Variants in TPO observed in about 807,000 individuals in gnomAD.
TPO encodes thyroid peroxidase, also known as thyroid microsomal antigen.
In TPO, 78 loss-of-function variants were observed where a neutral mutation model predicts 96.9. That is an observed-to-expected ratio of 0.81 (90% confidence interval 0.67 to 0.97). The LOEUF is 0.97. TPO is among the 50% of genes least tolerant of loss of function. The pLI is 0.00. For synonymous variants in TPO, 547 were observed against 538.0 expected (o/e 1.02, Z -0.23); for missense variants, 1,252 against 1,274.8 (o/e 0.98, Z 0.27).
intron 5 of TPO, among the ~76,000 whole-genome samples, chr2:1,437,749 C>T (rs548312794): frequency 2.6e-5 from 4 of 152,270 alleles, no homozygotes; most frequent in South Asian, 2.1e-4. Flanking sequence ...TGCGGAGCCC[C>T]GGCTGGAAGA....
chr2:1,443,479 C>A (rs184156167), intron 5 of TPO, among the ~76,000 whole-genome samples: 1 of 138,386 alleles, frequency 7.2e-6, no homozygotes, highest in African/African-American at 2.7e-5. Flanking sequence ...TTGCAGGAGG[C>A]AACATGTTGG....
intron 1 of TPO, among the ~76,000 whole-genome samples, chr2:1,379,388 T>G (rs1234883951): frequency 2.6e-5 from 4 of 152,076 alleles, no homozygotes; most frequent in Non-Finnish European, 5.9e-5. Context: ...TTGCCATATG[T>G]GACATTCAGC....
intron 14 of TPO, among the ~76,000 whole-genome samples, chr2:1,508,666 T>C (rs1025688212): frequency 2.6e-5 from 4 of 152,252 alleles, no homozygotes; most frequent in African/African-American, 9.6e-5. Flanking sequence ...TTCTAGTTTA[T>C]TTGCGTAGAG....
intron 1 of TPO, among the ~76,000 whole-genome samples, chr2:1,392,364 A>G (rs1662014741): frequency 6.6e-6 from 1 of 152,202 alleles, no homozygotes; most frequent in South Asian, 2.1e-4. Context: ...CAACCTAATC[A>G]TGGTGGATAA....
Position 1,493,933 on chromosome 2 carries a change from G to A in TPO, c.1900G>A (p.Val634Ile), listed in dbSNP as rs760753327. Residue 634 changes from valine (V) to isoleucine (I), a missense_variant, in exon 11 of 17, where the codon GTC (valine) becomes ATC (isoleucine). Transcript: ENST00000329066. ...GTACAAGCATCCTGACAACATCGAT[G>A]TCTGGCTGGGAGGCTTAGCTGAAAA... ...DLYKHPDNID[V>I]WLGGLAENFL... 6 of 1,614,230 alleles carry A rather than the reference G, an allele frequency of 3.7e-6. No homozygotes were observed. The Admixed American group carries it at 6.7e-5, about 18-fold the overall frequency.
chr2:1,488,766 G>A (rs1053199414), intron 10 of TPO, among the ~76,000 whole-genome samples: 6 of 152,158 alleles, frequency 3.9e-5, no homozygotes, highest in Admixed American at 2.6e-4. Context: ...GGCAAGTCCT[G>A]CCCTGCCCCG....
intron 15 of TPO, among the ~76,000 whole-genome samples, chr2:1,525,467 A>T (rs111257195): frequency 5.3e-5 from 4 of 75,366 alleles, no homozygotes; most frequent in African/African-American, 2.4e-4. Context: ...AACACCCCCA[A>T]ATTTCCCCCA....
intron 7 of TPO, among the ~76,000 whole-genome samples, chr2:1,472,336 T>C (rs1284517162): frequency 6.6e-6 from 1 of 151,816 alleles, no homozygotes; most frequent in Non-Finnish European, 1.5e-5. Context: ...TGTGTCCTTC[T>C]GATGATCTGA....
At chr2:1,379,177 C>T (rs1043222698) in intron 1 of TPO, among the ~76,000 whole-genome samples, 1 of 151,968 alleles carries the variant, frequency 6.6e-6, no homozygotes, top group Non-Finnish European at 1.5e-5. Context: ...TGGTGGCGCA[C>T]GCATGTAGTC....
intron 2 of TPO, among the ~76,000 whole-genome samples, chr2:1,422,003 C>G (rs1258654106): frequency 6.6e-6 from 1 of 152,228 alleles, no homozygotes; most frequent in Non-Finnish European, 1.5e-5. Flanking sequence ...CCCTCCTGCC[C>G]TTGCCCCAGG....
At position 1,496,599 on chromosome 2, in the gene TPO, C is replaced by G; in HGVS notation, c.2220C>G (p.Asp740Glu). 1 of 1,613,964 alleles carries G rather than the reference C, an allele frequency of 6.2e-7. No homozygotes were observed. ...EAWRETFPQD[D>E]KCGFPESVEN... ...CAACCTGTCCACATTTCATAGACGA[C>G]AAGTGTGGCTTCCCAGAGAGCGTGG... is the stretch of plus-strand genomic sequence containing the variant. Residue 740 changes from aspartate (D) to glutamate (E), a missense_variant, in exon 13 of 17, where the codon GAC becomes GAG. Coordinates refer to ENST00000329066, the MANE Select transcript of TPO (RefSeq NM_001206744.2).
At chr2:1,380,743 C>T (rs532199356) in intron 1 of TPO, among the ~76,000 whole-genome samples, 2 of 152,258 alleles carry the variant, frequency 1.3e-5, no homozygotes, top group African/African-American at 4.8e-5. Context: ...AGAGAGAATG[C>T]ATTAGGCTGT....
In TPO at chr2:1,477,144, C is replaced by T. The variant is rs1670030289; in HGVS notation, c.878C>T (p.Ser293Leu). 9 of 1,609,752 alleles carry T rather than the reference C, an allele frequency of 5.6e-6. No homozygotes were observed. The highest frequency in any genetic ancestry group is 1.1e-5 in the South Asian group (1 of 90,468). ...GTACLPFYRSSAACGTGDQGA... is the reference protein window; with the variant it reads ...GTACLPFYRSLAACGTGDQGA... Reference sequence around the variant, plus strand: ...GCCTGTCTGCCCTTCTACCGCTCTTCGGCCGCCTGCGGCACCGGGGACCAA... The same window carrying T: ...GCCTGTCTGCCCTTCTACCGCTCTTTGGCCGCCTGCGGCACCGGGGACCAA... Residue 293 changes from serine to leucine, a missense_variant, in exon 8 of 17, where the codon TCG becomes TTG. Ser to Leu is a moderately radical substitution (Grantham distance 145, BLOSUM62 -2). Coordinates refer to ENST00000329066, the MANE Select transcript of TPO (RefSeq NM_001206744.2).
chr2:1,480,828 G>GTTTCTC (rs1670555750), intron 8 of TPO, among the ~76,000 whole-genome samples: 1 of 65,410 alleles, frequency 1.5e-5, no homozygotes, highest in Non-Finnish European at 3.8e-5. Context: ...CCACGTCCCT[G>GTTTCTC]CTGCTGCGTC....
intron 15 of TPO, among the ~76,000 whole-genome samples, chr2:1,537,659 CAACCTCCGCAAATCCCCCTACTCTGTGG>C (rs1484426424): frequency 4.8e-5 from 6 of 124,796 alleles, no homozygotes; most frequent in African/African-American, 9.3e-5. Flanking sequence ...CCAATGTGTG[CAACCTCCGCAAATCCCCCTACTCTGTGG>C]AACCTCCTCA....
intron 5 of TPO, among the ~76,000 whole-genome samples, chr2:1,439,648 G>A (rs1486369384): frequency 1.3e-5 from 2 of 152,036 alleles, no homozygotes; most frequent in African/African-American, 2.4e-5. Flanking sequence ...ATACAGCCTC[G>A]TGGTCATCAG....
At chr2:1,409,316 C>T (rs990540962), upstream of TPO, among the ~76,000 whole-genome samples, 1 of 152,140 alleles carries the variant, frequency 6.6e-6, no homozygotes, top group Non-Finnish European at 1.5e-5. Context: ...TAACAAAAAC[C>T]CTCCTGTATT....
intron 5 of TPO, among the ~76,000 whole-genome samples, chr2:1,442,214 A>G (rs887790312): frequency 6.6e-6 from 1 of 152,160 alleles, no homozygotes; most frequent in South Asian, 2.1e-4. Flanking sequence ...AAAACAGACT[A>G]ATACAGATGG....
chr2:1,399,238 A>G (rs1467491679), intron 1 of TPO, among the ~76,000 whole-genome samples: 1 of 152,178 alleles, frequency 6.6e-6, no homozygotes, highest in African/African-American at 2.4e-5. Flanking sequence ...GTGCTCTCCA[A>G]GCCCTCCTGG....
Sources: allele counts gnomAD v4.1 joint callset (sites outside exome capture counted in the v4.1 genomes callset), GRCh38; gene constraint gnomAD v4.1.1; transcripts MANE v1.5; gene names NCBI Gene and HGNC (gene_info 2026-07-23, HGNC 2026-07-21).